Variants in PARD3B observed in about 807,000 individuals in gnomAD.
The protein encoded by PARD3B is partitioning defective 3 homolog B.
A neutral mutation model predicts 130.2 loss-of-function variants in PARD3B; 103 were observed. The ratio of observed to expected loss-of-function variants is 0.79; its 90% CI spans 0.67 to 0.93. The LOEUF is 0.93. PARD3B is among the 40% of genes least tolerant of loss of function. The probability of loss-of-function intolerance (pLI) is 0.00; values close to 1 mark genes in which losing one functional copy is unlikely to be tolerated. For synonymous variants in PARD3B, 583 were observed against 553.2 expected, an observed-to-expected ratio of 1.05 and a Z score of -0.76; for missense variants, 1,609 against 1,499.2, an observed-to-expected ratio of 1.07 and a Z score of -1.21.
chr2:205,186,174 G>A (rs2036088251), intron 14 of PARD3B, among the ~76,000 whole-genome samples: 1 of 152,118 alleles, frequency 6.6e-6, no homozygotes, highest in Non-Finnish European at 1.5e-5. Context: ...AGTGACATGG[G>A]AAGGTATAAA....
chr2:204,843,344 C>A (rs1399837161), intron 2 of PARD3B, among the ~76,000 whole-genome samples: 1 of 152,132 alleles, frequency 6.6e-6, no homozygotes, highest in Non-Finnish European at 1.5e-5. Flanking sequence ...GCTGCATAAT[C>A]ATCTGTACAG....
intron 2 of PARD3B, among the ~76,000 whole-genome samples, chr2:204,826,177 G>T (rs1031897127): frequency 6.6e-6 from 1 of 152,114 alleles, no homozygotes; most frequent in Non-Finnish European, 1.5e-5. Context: ...ATAGTTTGGG[G>T]GCAAAAGGAG....
At position 205,518,434 on chromosome 2, in the gene PARD3B, A is replaced by C. The variant is rs2050886108; in HGVS notation, c.3180+18403A>C. Among the ~76,000 whole-genome samples the C allele has an allele frequency of 2.0e-5, 3 of 152,094 alleles. No homozygotes were observed. In the South Asian group the frequency reaches 6.2e-4, roughly 31 times the overall value. On this transcript the variant is annotated intron_variant, in intron 21 of 22. Coordinates refer to ENST00000406610, the MANE Select transcript of PARD3B (RefSeq NM_001302769.2). ...GTTTTCTGTTTTCTATTTGCTTGGT[A>C]GATTTTCCTCTGTCCCTTTATTTTG...
intron 16 of PARD3B, among the ~76,000 whole-genome samples, chr2:205,282,629 T>C (rs971518169): frequency 6.6e-6 from 1 of 151,986 alleles, no homozygotes; most frequent in African/African-American, 2.4e-5. Context: ...TGAGAAAGTA[T>C]AAATCAGGGC....
At chr2:205,481,650 T>C (rs926597184) in intron 20 of PARD3B, among the ~76,000 whole-genome samples, 3 of 152,202 alleles carry the variant, frequency 2.0e-5, no homozygotes, top group Non-Finnish European at 4.4e-5. Flanking sequence ...ACTATTCTAA[T>C]TGCTTTAAAT....
chr2:205,134,099 A>T (rs1441020571), intron 10 of PARD3B, among the ~76,000 whole-genome samples: 2 of 151,944 alleles, frequency 1.3e-5, no homozygotes, highest in Non-Finnish European at 2.9e-5. Flanking sequence ...CAAGTTAGAG[A>T]TATCACAGAT....
intron 2 of PARD3B, among the ~76,000 whole-genome samples, chr2:204,854,240 A>G (rs1575139044): frequency 1.3e-5 from 2 of 152,240 alleles, no homozygotes; most frequent in South Asian, 2.1e-4. Context: ...TGAGGAGCCA[A>G]CTCTTTCAAG....
intron 2 of PARD3B, among the ~76,000 whole-genome samples, chr2:204,736,763 G>C (rs761333249): frequency 5.9e-5 from 9 of 152,094 alleles, no homozygotes; most frequent in African/African-American, 1.9e-4. Flanking sequence ...TCTTTTCATA[G>C]AATGACTTCT....
At chr2:204,636,339 A>G (rs1483967819) in intron 1 of PARD3B, among the ~76,000 whole-genome samples, 3 of 152,040 alleles carry the variant, frequency 2.0e-5, no homozygotes, top group Non-Finnish European at 2.9e-5. Context: ...TGAAAAGTCC[A>G]GGTCAGGTTA....
chr2:204,589,699 C>T lies in PARD3B; in HGVS notation c.120+43580C>T, dbSNP rs548932250. 9.2e-5 allele frequency among the ~76,000 whole-genome samples: 14 copies of T among 152,186 alleles called. 1 individual carries two copies. The South Asian group carries it at 1.9e-3, about 20-fold the overall frequency. ...CAAAAGGATTTTTGGTAATTGGCAA[C>T]GATAAAGAGGTTTTGAATCTAAGAT... On this transcript the variant is annotated intron_variant, in intron 1 of 22. Transcript: ENST00000406610.
intron 4 of PARD3B, among the ~76,000 whole-genome samples, chr2:205,054,426 ATATATATATATTTT>A (rs1225414180): frequency 7.6e-4 from 18 of 23,814 alleles, no homozygotes; most frequent in South Asian, 2.2e-3. Context: ...ATATATATAT[ATATATATATATTTT>A]TTTTTTTTTT....
At chr2:205,468,071 C>A (rs893366844) in intron 20 of PARD3B, among the ~76,000 whole-genome samples, 1 of 152,218 alleles carries the variant, frequency 6.6e-6, no homozygotes, top group Admixed American at 6.5e-5. Flanking sequence ...GCTTTCATCC[C>A]AGTTCTTTCT....
At chr2:204,883,638 G>T (rs1190792488) in intron 2 of PARD3B, among the ~76,000 whole-genome samples, 2 of 150,976 alleles carry the variant, frequency 1.3e-5, no homozygotes, top group Admixed American at 6.6e-5. Context: ...TAGAGACAGG[G>T]TTTCACCATA....
In PARD3B at chr2:204,575,856, A is replaced by G. The variant is rs145091061; in HGVS notation, c.120+29737A>G. On this transcript the variant is annotated intron_variant, in intron 1 of 22. Transcript: ENST00000406610. ...ATCAGTCTTCACTGTCCCCTTAGAT[A>G]TAAGCCCCTGTGGAGTTCCAAATCT... Among the ~76,000 whole-genome samples, 609 of 152,290 alleles carry G rather than the reference A, an allele frequency of 4.0e-3. 2 individuals carry two copies. Among genetic ancestry groups the G allele is most frequent in the Non-Finnish European group, 6.9e-3 (471 of 68,022 alleles).
chr2:205,553,513 T>C, intron 22 of PARD3B, 110 bp downstream of exon 22: 1 of 1,117,732 alleles, frequency 8.9e-7, no homozygotes. Flanking sequence ...TGTTATAATT[T>C]TGCCTTGCTG....
At chr2:205,216,124 T>C (rs2037895407) in intron 15 of PARD3B, among the ~76,000 whole-genome samples, 1 of 152,180 alleles carries the variant, frequency 6.6e-6, no homozygotes, top group South Asian at 2.1e-4. Flanking sequence ...ATCTTTTCTA[T>C]GTTTAGATTT....
At chr2:204,586,904 C>A (rs539893811) in intron 1 of PARD3B, among the ~76,000 whole-genome samples, 1 of 152,098 alleles carries the variant, frequency 6.6e-6, no homozygotes, top group Non-Finnish European at 1.5e-5. Flanking sequence ...ATGGCATGTT[C>A]GAATGATTAT....
rs1323070536 is a variant in PARD3B at position 204,967,417 on chromosome 2, C to T, written c.394+2094C>T. ...CACTGTGTGCTTTCTCCAGTCCCTA[C>T]TGTTGCCAGAGCTGCCTTTCTAAAT... On this transcript the variant is annotated intron_variant, in intron 3 of 22. Coordinates refer to ENST00000406610, the MANE Select transcript of PARD3B (RefSeq NM_001302769.2). The surrounding 1 kb of genome is among the most constrained non-coding windows in gnomAD (Gnocchi z 4.4). 1.3e-5 allele frequency among the ~76,000 whole-genome samples: 2 copies of T among 152,202 alleles called. No individual in the cohort carries two copies. The highest frequency in any genetic ancestry group is 2.4e-5 in the African/African-American group (1 of 41,452).
At chr2:205,108,680 A>G (rs980541974) in intron 5 of PARD3B, among the ~76,000 whole-genome samples, 8 of 152,026 alleles carry the variant, frequency 5.3e-5, no homozygotes, top group African/African-American at 1.9e-4. Context: ...TCCTAATCCC[A>G]GCTTCCCTTC....
Sources: allele counts gnomAD v4.1 joint callset (sites outside exome capture counted in the v4.1 genomes callset), GRCh38; gene constraint gnomAD v4.1.1; non-coding constraint Gnocchi (gnomAD v3.1); transcripts MANE v1.5; gene names NCBI Gene and HGNC (gene_info 2026-07-23, HGNC 2026-07-21).